Variants in CIP2A observed in about 807,000 individuals in gnomAD.
The protein encoded by CIP2A is cellular inhibitor of PP2A, also known as protein CIP2A.
CIP2A carries 103 observed loss-of-function variants against 110.9 expected under a neutral mutation model. The observed-to-expected ratio is 0.93, with a 90% CI of 0.79 to 1.09. The LOEUF is 1.09. Among genes scored for constraint, CIP2A ranks in the 50% least tolerant of loss-of-function variants. CIP2A has a pLI of 0.00. For missense variants in CIP2A, 1,088 were observed against 1,038.4 expected (o/e 1.05, Z -0.66); for synonymous variants, 381 against 361.6 (o/e 1.05, Z -0.61).
chr3:108,571,560 G>A (rs943703954), intron 8 of CIP2A, among the ~76,000 whole-genome samples: 8 of 152,136 alleles, frequency 5.3e-5, no homozygotes, highest in African/African-American at 1.9e-4. Context: ...CCATATGTCC[G>A]TTATAAACAT....
intron 1 of CIP2A, among the ~76,000 whole-genome samples, chr3:108,587,470 G>A (rs1187047496): frequency 6.6e-6 from 1 of 152,140 alleles, no homozygotes; most frequent in Non-Finnish European, 1.5e-5. Flanking sequence ...AAGAGGCAAT[G>A]AAGAAACCCT....
intron 17 of CIP2A, among the ~76,000 whole-genome samples, chr3:108,556,430 G>A (rs1937803344): frequency 6.6e-6 from 1 of 152,020 alleles, no homozygotes; most frequent in African/African-American, 2.4e-5. Flanking sequence ...TTATAAGGGA[G>A]GAAAAACCAA....
chr3:108,567,399 G>T lies in CIP2A; in HGVS notation c.1273+756C>A, dbSNP rs186664632. Among the ~76,000 whole-genome samples the T allele has an allele frequency of 3.2e-3, 492 of 151,892 alleles. 9 individuals carry two copies. Among genetic ancestry groups the T allele is most frequent in the Admixed American group, 0.016 (248 of 15,202 alleles). Reference sequence around the variant, plus strand: ...CTAGGACAGAGTAGAACATATTCTTGTTGCTCTGAGATACAAGGAAACCTG... The same window carrying T: ...CTAGGACAGAGTAGAACATATTCTTTTTGCTCTGAGATACAAGGAAACCTG... On this transcript the variant is annotated intron_variant, in intron 10 of 20. Transcript: ENST00000295746.
rs1476972493 is a variant in CIP2A, at chr3:108,568,286, G to A, written c.1142C>T (p.Ser381Leu). The A allele has an allele frequency of 6.2e-6, 10 of 1,611,810 alleles. No individual in the cohort carries two copies. The highest frequency in any genetic ancestry group is 2.7e-5 in the African/African-American group (2 of 74,762). ...EDVIDAANCS[S>L]ADRFVTLLLP... ...CAGAAGGGTCACAAAACGATCAGCC[G>A]AGGAACAGTTAGCAGCATCTATGAC... Residue 381 changes from serine (S) to leucine (L), a missense_variant, in exon 10 of 21, where the codon TCG (serine) becomes TTG (leucine). Ser to Leu is a moderately radical substitution (Grantham distance 145, BLOSUM62 -2). Coordinates refer to ENST00000295746, the MANE Select transcript of CIP2A (RefSeq NM_020890.3).
At chr3:108,574,545 CT>C (rs1364963792) in intron 8 of CIP2A, 1 of 152,320 alleles carries the variant, frequency 6.6e-6, no homozygotes, top group African/African-American at 2.4e-5. Flanking sequence ...ATGCAGGTTT[CT>C]TTATAATAGC....
chr3:108,589,367 G>A lies in CIP2A; in HGVS notation c.9C>T (p.Ser3=). The A allele has an allele frequency of 6.2e-7, 1 of 1,612,960 alleles. No individual in the cohort carries two copies. ...GGAGCAAGGACTTCAAGCAGGCAGT[G>A]GAGTCCATTGCACCGGCCGCGGCCC... MD[S]TACLKSLLLT... is the part of the protein sequence containing the mutation. The change falls in exon 1 of 21, where the codon TCC becomes TCT. Residue 3 remains serine, a synonymous_variant. Transcript: ENST00000295746.
In CIP2A at chr3:108,559,899, T is replaced by C. The variant is rs202246987; in HGVS notation, c.1903-32A>G. 2.9e-5 allele frequency: 46 copies of C among 1,582,844 alleles called. No homozygotes were observed. The African/African-American group carries it at 5.8e-4, about 20-fold the overall frequency. ...GAAAACATATCATTAATTTTCATTT[T>C]AGGAATACATCTATTAAAGCTTATT... On this transcript the variant is annotated intron_variant, in intron 15 of 20. Coordinates refer to ENST00000295746, the MANE Select transcript of CIP2A (RefSeq NM_020890.3).
In CIP2A at chr3:108,585,108, A is replaced by T. The variant is rs1455353514; in HGVS notation, c.207T>A (p.Ser69Arg). Residue 69 changes from serine (S) to arginine (R), a missense_variant, in exon 2 of 21, where the codon AGT becomes AGA. Physicochemically the swap from Ser to Arg is moderately radical, Grantham distance 110 (BLOSUM62 -1). Transcript: ENST00000295746. ...LVELLEDPNISASLILSIIGL... is the reference protein window; with the variant it reads ...LVELLEDPNIRASLILSIIGL... ...CGATAATACTTAAGATCAGTGAAGC[A>T]CTTATGTTGGGGTCTTCAAGTAGCT... The T allele has an allele frequency of 6.2e-7, 1 of 1,613,414 alleles. No individual in the cohort carries two copies. The highest frequency in any genetic ancestry group is 2.2e-5 in the East Asian group (1 of 44,872).
At position 108,566,545 on chromosome 3, in the gene CIP2A, C is replaced by T; in HGVS notation, c.1367G>A (p.Gly456Asp). 1.2e-6 allele frequency: 2 copies of T among 1,607,636 alleles called. No individual in the cohort carries two copies. Among genetic ancestry groups the T allele is most frequent in the South Asian group, 1.1e-5 (1 of 90,162 alleles). Residue 456 changes from glycine (G) to aspartate (D), a missense_variant, in exon 11 of 21, where the codon GGC (glycine) becomes GAC (aspartate). Physicochemically the swap from Gly to Asp is moderately conservative, Grantham distance 94. Transcript: ENST00000295746. Reference sequence around the variant, plus strand: ...TGTTCCAAATCCCAGGTCAATCTTGCCATATGTAAATTGTTGTTCTATAAG... The same window carrying T: ...TGTTCCAAATCCCAGGTCAATCTTGTCATATGTAAATTGTTGTTCTATAAG... The part of the protein sequence containing the change: ...TTLIEQQFTY[G>D]KIDLGFGTKV...
At position 108,568,210 on chromosome 3, in the gene CIP2A, C is replaced by G; in HGVS notation, c.1218G>C (p.Glu406Asp). 6.2e-7 allele frequency: 1 copy of G among 1,612,156 alleles called. No homozygotes were observed. Among genetic ancestry groups the G allele is most frequent in the Non-Finnish European group, 8.5e-7 (1 of 1,178,762 alleles). The stretch of plus-strand genomic sequence containing the variant: ...TTTCACATTTTTTTCTTGTTAAAGC[C>G]TCATCTAGATTTTGTTCTGTGAACT... ...QLQFTEQNLD[E>D]ALTRKKCERI... Residue 406 changes from glutamate (E) to aspartate (D), a missense_variant, in exon 10 of 21, where the codon GAG becomes GAC. Glu to Asp is a conservative substitution (Grantham distance 45). Coordinates refer to ENST00000295746, the MANE Select transcript of CIP2A (RefSeq NM_020890.3).
intron 12 of CIP2A, 116 bp downstream of exon 12, chr3:108,565,239 C>A: frequency 1.7e-6 from 1 of 579,518 alleles, no homozygotes; most frequent in South Asian, 2.5e-5. Flanking sequence ...AAACTTTCTT[C>A]TCATTGCCAA....
intron 2 of CIP2A, 22 bp from the exon 3 acceptor site, chr3:108,583,105 C>T (rs762232078): frequency 1.6e-6 from 2 of 1,281,178 alleles, no homozygotes; most frequent in Middle Eastern, 1.9e-4. Flanking sequence ...AATAAAAGCA[C>T]AAAATATATC....
At chr3:108,565,801 T>C (rs945911477) in intron 11 of CIP2A, among the ~76,000 whole-genome samples, 1 of 151,778 alleles carries the variant, frequency 6.6e-6, no homozygotes, top group East Asian at 1.9e-4. Flanking sequence ...TTAGGCAATA[T>C]AGAATATCTA....
In CIP2A at chr3:108,589,336, C is replaced by G. The variant is rs1414474010; in HGVS notation, c.40G>C (p.Val14Leu). Residue 14 changes from valine (V) to leucine (L), a missense_variant, in exon 1 of 21, where the codon GTC (valine) becomes CTC (leucine). Transcript: ENST00000295746. ...TACLKSLLLT[V>L]SQYKAVKSEA... ...GACTTCACGGCTTTGTACTGACTGA[C>G]AGTCAGGAGCAAGGACTTCAAGCAG... The G allele has an allele frequency of 1.2e-6, 2 of 1,613,990 alleles. No individual in the cohort carries two copies. Among genetic ancestry groups the G allele is most frequent in the Non-Finnish European group, 1.7e-6 (2 of 1,179,952 alleles).
At chr3:108,588,881 G>C (rs1429810276) in intron 1 of CIP2A, among the ~76,000 whole-genome samples, 1 of 152,214 alleles carries the variant, frequency 6.6e-6, no homozygotes, top group Non-Finnish European at 1.5e-5. Context: ...TTCAATTATA[G>C]ATTACCGAAG....
At chr3:108,577,832 G>A (rs1184195533) in intron 7 of CIP2A, among the ~76,000 whole-genome samples, 1 of 152,162 alleles carries the variant, frequency 6.6e-6, no homozygotes, top group Non-Finnish European at 1.5e-5. Flanking sequence ...CCAGGAGGCG[G>A]AGGTTGCAGT....
intron 7 of CIP2A, among the ~76,000 whole-genome samples, chr3:108,577,801 A>C (rs1019726282): frequency 3.3e-5 from 5 of 152,150 alleles, no homozygotes; most frequent in African/African-American, 1.2e-4. Flanking sequence ...TGGGAGGCTG[A>C]GGCATGAGAA....
At chr3:108,572,856 C>T (rs1314879566) in intron 8 of CIP2A, among the ~76,000 whole-genome samples, 3 of 151,980 alleles carry the variant, frequency 2.0e-5, no homozygotes, top group Non-Finnish European at 2.9e-5. Context: ...CTGAACATCA[C>T]TGGTGATAAT....
chr3:108,578,541 G>T (rs565306176), intron 7 of CIP2A, among the ~76,000 whole-genome samples: 1 of 152,144 alleles, frequency 6.6e-6, no homozygotes, highest in East Asian at 1.9e-4. Context: ...TAAACATCAG[G>T]GACTGTGTCT....
Sources: gnomAD v4.1 joint callset for allele counts (sites outside exome capture counted in the v4.1 genomes callset) on GRCh38, gnomAD v4.1.1 for gene constraint, MANE v1.5 for transcripts, NCBI Gene and HGNC (gene_info 2026-07-23, HGNC 2026-07-21) for gene names.